The following EPHA7 variants were observed in gnomAD, a reference collection of about 807,000 sequenced individuals.
The protein encoded by EPHA7 is EPH receptor A7, also known as ephrin type-A receptor 7.
Under a neutral mutation model 112.6 loss-of-function variants are expected in EPHA7, and 25 were observed. The observed-to-expected ratio is 0.22, with a 90% CI of 0.16 to 0.31. EPHA7 has a LOEUF of 0.31. Ranked by LOEUF, EPHA7 falls within the 10% of genes least tolerant of loss-of-function variation. The pLI is 1.00. For synonymous variants in EPHA7, 437 were observed against 406.5 expected (o/e 1.07, Z -0.90); for missense variants, 962 against 1,212.6 (o/e 0.79, Z 3.07).
intron 13 of EPHA7, among the ~76,000 whole-genome samples, chr6:93,255,230 C>T (rs183278395): frequency 6.6e-6 from 1 of 151,986 alleles, no homozygotes; most frequent in African/African-American, 2.4e-5. Flanking sequence ...CGCCTGTTAT[C>T]CTAGCTACTC....
intron 3 of EPHA7, among the ~76,000 whole-genome samples, chr6:93,369,900 A>T (rs1776701444): frequency 6.6e-6 from 1 of 152,230 alleles, no homozygotes; most frequent in African/African-American, 2.4e-5. Flanking sequence ...TTTCATAGTC[A>T]TCAGAGCAAT....
intron 3 of EPHA7, among the ~76,000 whole-genome samples, chr6:93,385,709 T>C (rs1391989122): frequency 6.6e-6 from 1 of 151,998 alleles, no homozygotes; most frequent in Non-Finnish European, 1.5e-5. Flanking sequence ...TGGTGATGTG[T>C]GGATGGATGG....
chr6:93,342,209 T>C (rs1233717921), intron 5 of EPHA7, among the ~76,000 whole-genome samples: 2 of 151,896 alleles, frequency 1.3e-5, no homozygotes, highest in Non-Finnish European at 2.9e-5. Flanking sequence ...ACAGGTTAAC[T>C]TGAAGCAAGT....
chr6:93,244,383 T>TA (rs1769849914), intron 16 of EPHA7, among the ~76,000 whole-genome samples: 1 of 152,156 alleles, frequency 6.6e-6, no homozygotes, highest in Admixed American at 6.5e-5. Context: ...TCCTGGCATA[T>TA]ACCAGAAAAT....
intron 16 of EPHA7, 29 bp from the exon 17 acceptor site, chr6:93,243,569 G>A (rs1226695426): frequency 8.2e-6 from 12 of 1,464,444 alleles, no homozygotes; most frequent in Non-Finnish European, 9.6e-6. Context: ...CTTTTTATTA[G>A]GTACCTTACA....
chr6:93,406,790 C>T (rs933306661), intron 3 of EPHA7, among the ~76,000 whole-genome samples: 1 of 151,626 alleles, frequency 6.6e-6, no homozygotes, highest in African/African-American at 2.4e-5. Flanking sequence ...ATAAAAGTTA[C>T]AAAAATTGAA....
intron 3 of EPHA7, among the ~76,000 whole-genome samples, chr6:93,388,347 G>A (rs1201064428): frequency 1.3e-5 from 2 of 152,104 alleles, no homozygotes; most frequent in Admixed American, 6.6e-5. Context: ...CCCTGGAAGA[G>A]AATCCCTATT....
chr6:93,314,333 C>A (rs1490587614), intron 5 of EPHA7, among the ~76,000 whole-genome samples: 1 of 152,118 alleles, frequency 6.6e-6, no homozygotes, highest in Non-Finnish European at 1.5e-5. Flanking sequence ...ATTTAACTAG[C>A]ATAGTAATCA....
intron 5 of EPHA7, among the ~76,000 whole-genome samples, chr6:93,311,114 ATTTTTT>A (rs71542009): frequency 0.011 from 837 of 78,492 alleles, 27 homozygotes; most frequent in East Asian, 0.04. Flanking sequence ...ATGCCCAGCT[ATTTTTT>A]TTTTTTTTTT....
chr6:93,333,511 A>G (rs1315159256), intron 5 of EPHA7, among the ~76,000 whole-genome samples: 1 of 151,924 alleles, frequency 6.6e-6, no homozygotes, highest in Non-Finnish European at 1.5e-5. Context: ...CCAGCAGTGT[A>G]TAAGTTTTTC....
intron 5 of EPHA7, among the ~76,000 whole-genome samples, chr6:93,309,606 C>A (rs541261218): frequency 6.6e-6 from 1 of 151,976 alleles, no homozygotes; most frequent in African/African-American, 2.4e-5. Flanking sequence ...TGAAATAAAT[C>A]TATTTTTTGA....
At chr6:93,278,707 GT>G (rs532661131) in intron 5 of EPHA7, among the ~76,000 whole-genome samples, 19 of 150,044 alleles carry the variant, frequency 1.3e-4, no homozygotes, top group South Asian at 4.2e-4. Flanking sequence ...TTTTCTTGCT[GT>G]TTTTTTTTGT....
rs772613034 is a variant in EPHA7, at chr6:93,246,914, T to G, written c.2604A>C (p.Leu868=). The change falls in exon 15 of 17, where the codon CTA becomes CTC. Residue 868 remains leucine (L), a synonymous_variant. Coordinates refer to ENST00000369303, the MANE Select transcript of EPHA7 (RefSeq NM_004440.4). The stretch of plus-strand genomic sequence containing the variant: ...GCTCCTTTTGCCAACAATCCAACAT[T>G]AGCTGGTGAAGGCCAGCTGGGCAGT... ...PMDCPAGLHQ[L]MLDCWQKERA... 1 of 1,613,820 alleles carries G rather than the reference T, an allele frequency of 6.2e-7. No homozygotes were observed. Among genetic ancestry groups the G allele is most frequent in the East Asian group, 2.2e-5 (1 of 44,862 alleles).
intron 5 of EPHA7, among the ~76,000 whole-genome samples, chr6:93,344,263 A>G (rs1775281864): frequency 6.6e-6 from 1 of 151,614 alleles, no homozygotes; most frequent in Non-Finnish European, 1.5e-5. Flanking sequence ...TCTTTGTACA[A>G]TTAACATCTT....
intron 5 of EPHA7, among the ~76,000 whole-genome samples, chr6:93,312,194 T>C (rs996091826): frequency 6.6e-6 from 1 of 152,182 alleles, no homozygotes; most frequent in Non-Finnish European, 1.5e-5. Context: ...CTCCTCTGAA[T>C]CTCTGAATCC....
chr6:93,413,668 A>T (rs573595101), intron 2 of EPHA7, among the ~76,000 whole-genome samples: 1 of 152,092 alleles, frequency 6.6e-6, no homozygotes, highest in South Asian at 2.1e-4. Flanking sequence ...ACCAATACAG[A>T]TAACCACAAT....
Position 93,241,421 on chromosome 6 carries a change from T to C in EPHA7, c.*2005A>G, listed in dbSNP as rs573562890. 19 of 213,030 alleles carry C rather than the reference T, an allele frequency of 8.9e-5. No individual in the cohort carries two copies. The highest frequency in any genetic ancestry group is 1.4e-3 in the Middle Eastern group (1 of 690). The allele number at this position is 213,030 out of a possible 1,614,324, so 13.2% of individuals were successfully genotyped here. A position where few individuals can be genotyped will look rare whatever the true frequency, so the allele number is the denominator to read the frequency against. ...AAAAATAACCCTCAAGCACATTGTG[T>C]TATAGTTCCAAAAATATATTTACAG... On this transcript the variant is annotated 3_prime_UTR_variant, in exon 17 of 17. Coordinates refer to ENST00000369303, the MANE Select transcript of EPHA7 (RefSeq NM_004440.4).
At chr6:93,342,760 A>G (rs1357341234) in intron 5 of EPHA7, among the ~76,000 whole-genome samples, 1 of 150,650 alleles carries the variant, frequency 6.6e-6, no homozygotes, top group Admixed American at 6.6e-5. Context: ...GAGTTATCGT[A>G]TATATGTTTA....
intron 3 of EPHA7, among the ~76,000 whole-genome samples, chr6:93,365,678 C>T (rs1396141256): frequency 6.6e-6 from 1 of 152,114 alleles, no homozygotes. Flanking sequence ...ATAAAAACAA[C>T]ATGATGTAAT....
Sources: allele counts gnomAD v4.1 joint callset (sites outside exome capture counted in the v4.1 genomes callset), GRCh38; gene constraint gnomAD v4.1.1; transcripts MANE v1.5; gene names NCBI Gene and HGNC (gene_info 2026-07-23, HGNC 2026-07-21).